Variants in CNTNAP2 observed in about 807,000 individuals in gnomAD.
The protein encoded by CNTNAP2 is contactin associated protein 2, also known as contactin-associated protein-like 2.
A neutral mutation model predicts 155.2 loss-of-function variants in CNTNAP2; 98 were observed. The observed-to-expected ratio is 0.63, with a 90% CI of 0.54 to 0.75. CNTNAP2 has a LOEUF of 0.75. CNTNAP2 is among the 30% of genes least tolerant of loss of function. CNTNAP2 has a pLI of 0.00. For missense variants in CNTNAP2, 1,727 were observed against 1,688.1 expected (o/e 1.02, Z -0.40); for synonymous variants, 651 against 631.2 (o/e 1.03, Z -0.47).
intron 15 of CNTNAP2, among the ~76,000 whole-genome samples, chr7:148,017,980 T>G (rs949649519): frequency 6.6e-6 from 1 of 152,240 alleles, no homozygotes; most frequent in Admixed American, 6.5e-5. Flanking sequence ...GTGCAGGTTT[T>G]TCTAAAACAC....
rs1444441799 is a variant in CNTNAP2, at chr7:146,289,484, C to T, written c.97+172511C>T. Among the ~76,000 whole-genome samples, 3 of 152,108 alleles carry T rather than the reference C, an allele frequency of 2.0e-5. No individual in the cohort carries two copies. The East Asian group carries it at 5.8e-4, about 29-fold the overall frequency. On this transcript the variant is annotated intron_variant, in intron 1 of 23. Coordinates refer to ENST00000361727, the MANE Select transcript of CNTNAP2 (RefSeq NM_014141.6). Reference sequence around the variant, plus strand: ...TTTTTCTGTTATGATTAATTACTTTCCTGTAAAATTTTGAATGAAATTATT... The same window carrying T: ...TTTTTCTGTTATGATTAATTACTTTTCTGTAAAATTTTGAATGAAATTATT...
chr7:146,149,485 G>A (rs1377283072), intron 1 of CNTNAP2, among the ~76,000 whole-genome samples: 1 of 152,032 alleles, frequency 6.6e-6, no homozygotes, highest in African/African-American at 2.4e-5. Flanking sequence ...AAATTTGGGT[G>A]GACAGTGACA....
intron 8 of CNTNAP2, among the ~76,000 whole-genome samples, chr7:147,132,832 TATTTTAAA>T (rs1801404626): frequency 6.6e-6 from 1 of 152,140 alleles, no homozygotes; most frequent in Non-Finnish European, 1.5e-5. Context: ...AAGGAATGTT[TATTTTAAA>T]AACACAATTG....
chr7:146,481,647 G>A (rs925710462), intron 1 of CNTNAP2, among the ~76,000 whole-genome samples: 1 of 152,014 alleles, frequency 6.6e-6, no homozygotes, highest in Non-Finnish European at 1.5e-5. Context: ...AAATATATAC[G>A]GAATGATTTT....
chr7:148,097,545 C>T (rs1442064270), intron 15 of CNTNAP2, among the ~76,000 whole-genome samples: 2 of 152,016 alleles, frequency 1.3e-5, no homozygotes, highest in Non-Finnish European at 2.9e-5. Context: ...AGTGCAGTGG[C>T]GCGATCTTGG....
At chr7:147,193,877 A>C (rs931606023) in intron 8 of CNTNAP2, among the ~76,000 whole-genome samples, 1 of 152,178 alleles carries the variant, frequency 6.6e-6, no homozygotes, top group Non-Finnish European at 1.5e-5. Flanking sequence ...GAGAGTTAGA[A>C]ATCTCATAAT....
At chr7:147,483,856 T>A (rs1357025442) in intron 10 of CNTNAP2, among the ~76,000 whole-genome samples, 3 of 152,198 alleles carry the variant, frequency 2.0e-5, no homozygotes, top group African/African-American at 7.2e-5. Flanking sequence ...ATAGTGGCTA[T>A]AGGAAAGGAC....
At chr7:147,031,671 A>C (rs1324521594) in intron 3 of CNTNAP2, among the ~76,000 whole-genome samples, 1 of 152,260 alleles carries the variant, frequency 6.6e-6, no homozygotes, top group Non-Finnish European at 1.5e-5. Context: ...TAATCCCAGC[A>C]CTTTGGGAGG....
chr7:147,802,158 C>G (rs1333721793), intron 13 of CNTNAP2, among the ~76,000 whole-genome samples: 9 of 148,804 alleles, frequency 6.0e-5, no homozygotes, highest in African/African-American at 1.7e-4. Context: ...CGGGCAGAGG[C>G]GCTCCTCACA....
intron 8 of CNTNAP2, among the ~76,000 whole-genome samples, chr7:147,158,884 T>A (rs946507359): frequency 6.6e-6 from 1 of 151,996 alleles, no homozygotes; most frequent in Non-Finnish European, 1.5e-5. Context: ...AGAAAACAGA[T>A]CTCAAACAAA....
intron 1 of CNTNAP2, among the ~76,000 whole-genome samples, chr7:146,263,138 G>C (rs1458067576): frequency 6.6e-6 from 1 of 152,112 alleles, no homozygotes; most frequent in African/African-American, 2.4e-5. Flanking sequence ...CCAATATGGT[G>C]AAACCCTGTC....
At chr7:148,210,522 G>A (rs2116744988) in intron 18 of CNTNAP2, among the ~76,000 whole-genome samples, 1 of 152,306 alleles carries the variant, frequency 6.6e-6, no homozygotes, top group African/African-American at 2.4e-5. Context: ...ACACAGTCAA[G>A]CCATAGCTGA....
chr7:147,370,973 T>C (rs1350822209), intron 9 of CNTNAP2, among the ~76,000 whole-genome samples: 1 of 152,158 alleles, frequency 6.6e-6, no homozygotes, highest in Non-Finnish European at 1.5e-5. Context: ...TTATATGTTT[T>C]TGTTTGTTTA....
At chr7:146,921,380 G>A (rs188739751) in intron 3 of CNTNAP2, among the ~76,000 whole-genome samples, 1 of 152,316 alleles carries the variant, frequency 6.6e-6, no homozygotes, top group Non-Finnish European at 1.5e-5. Context: ...GGATCTGCAA[G>A]TGAAACCTAA....
chr7:148,117,098 G>A (rs1859539), intron 15 of CNTNAP2, among the ~76,000 whole-genome samples: 63,962 of 152,142 alleles, frequency 0.42, 15,613 homozygotes, highest in East Asian at 0.75. Flanking sequence ...TCCTAATGGA[G>A]TCTGAGTAAC....
At chr7:148,245,848 A>C (rs1376531534) in intron 20 of CNTNAP2, among the ~76,000 whole-genome samples, 2 of 152,184 alleles carry the variant, frequency 1.3e-5, no homozygotes, top group Non-Finnish European at 2.9e-5. Flanking sequence ...TCACAAAAGA[A>C]GCGAATGTCC....
chr7:146,706,903 C>T (rs1800975218), intron 1 of CNTNAP2, among the ~76,000 whole-genome samples: 1 of 145,544 alleles, frequency 6.9e-6, no homozygotes, highest in African/African-American at 2.8e-5. Flanking sequence ...ACATGTACCC[C>T]TGAACTTAAA....
In CNTNAP2 at chr7:146,765,891, G is replaced by T. The variant is rs75291078; in HGVS notation, c.98-8380G>T. ...AGCTGGACAGCGGAGAGGATGGAAA[G>T]GCCTTTGAGCAAGGGTGTGCTTGGT... On this transcript the variant is annotated intron_variant, in intron 1 of 23. Transcript: ENST00000361727. Among the ~76,000 whole-genome samples the T allele has an allele frequency of 4.2e-3, 643 of 152,268 alleles. 5 individuals carry two copies. The highest frequency in any genetic ancestry group is 0.015 in the African/African-American group (603 of 41,544).
chr7:148,115,280 A>G (rs1294430393), intron 15 of CNTNAP2, among the ~76,000 whole-genome samples: 1 of 152,224 alleles, frequency 6.6e-6, no homozygotes, highest in African/African-American at 2.4e-5. Flanking sequence ...TCAAATAAAT[A>G]CTGACATGTT....
Sources: gnomAD v4.1 joint callset for allele counts (sites outside exome capture counted in the v4.1 genomes callset) on GRCh38, gnomAD v4.1.1 for gene constraint, MANE v1.5 for transcripts, NCBI Gene and HGNC (gene_info 2026-07-23, HGNC 2026-07-21) for gene names.